NLRP14: variants seen among roughly 807,000 people sequenced by gnomAD.
NLRP14 encodes NLR family pyrin domain containing 14.
NLRP14 carries 105 observed loss-of-function variants against 94.7 expected under a neutral mutation model. The ratio of observed to expected loss-of-function variants is 1.11; its 90% CI spans 0.95 to 1.30. The LOEUF is 1.30. Among genes scored for constraint, NLRP14 ranks in the 50% most tolerant of loss-of-function variants. The pLI is 0.00. For synonymous variants in NLRP14, 508 were observed against 459.9 expected, an observed-to-expected ratio of 1.10 and a Z score of -1.34; for missense variants, 1,362 against 1,254.1, an observed-to-expected ratio of 1.09 and a Z score of -1.30.
At chr11:7,081,629 T>C in the NLRP14 span, among the ~76,000 whole-genome samples, 1 of 152,120 alleles carries the variant, frequency 6.6e-6, no homozygotes, top group African/African-American at 2.4e-5. Context: ...TATACACTTG[T>C]GATTACAGTT....
chr11:7,022,025 A>C (rs1480862342), intron 1 of NLRP14, among the ~76,000 whole-genome samples: 1 of 152,120 alleles, frequency 6.6e-6, no homozygotes, highest in African/African-American at 2.4e-5. Flanking sequence ...ATACCTGCTA[A>C]AGGGCAGAGG....
At position 7,070,468 on chromosome 11, in the gene NLRP14, T is replaced by C; in HGVS notation, c.3146+12T>C. On this transcript the variant is annotated intron_variant, in intron 11 of 11. Coordinates refer to ENST00000299481, the MANE Select transcript of NLRP14 (RefSeq NM_176822.4). ...CTACAAGTTCTAGGGTAAGTCTCCA[T>C]TGGCTTCTCAGGGGGAGCATTTCCT... 9 of 1,603,102 alleles carry C rather than the reference T, an allele frequency of 5.6e-6. No individual in the cohort carries two copies. Among genetic ancestry groups the C allele is most frequent in the Non-Finnish European group, 6.8e-6 (8 of 1,170,802 alleles).
intron 1 of NLRP14, among the ~76,000 whole-genome samples, chr11:7,033,169 C>A (rs1852120238): frequency 6.6e-6 from 1 of 152,166 alleles, no homozygotes; most frequent in African/African-American, 2.4e-5. Context: ...TAGATGAACT[C>A]TTGGATCTTT....
Position 7,038,604 on chromosome 11 carries a change from A to C in NLRP14, c.18A>C (p.Ser6=). 1 of 1,613,918 alleles carries C rather than the reference A, an allele frequency of 6.2e-7. No individual in the cohort carries two copies. Among genetic ancestry groups the C allele is most frequent in the Non-Finnish European group, 8.5e-7 (1 of 1,179,990 alleles). Residue 6 remains serine (S), a synonymous_variant, in exon 2 of 12, where the codon TCA becomes TCC. Coordinates refer to ENST00000299481, the MANE Select transcript of NLRP14 (RefSeq NM_176822.4). ...TGGACAAGATGGCAGATTCATCATCATCTTCTTTCTTTCCTGATTTTGGGC... is the reference window on the plus strand; with the variant it reads ...TGGACAAGATGGCAGATTCATCATCCTCTTCTTTCTTTCCTGATTTTGGGC... The part of the protein sequence containing the change: MADSS[S]SSFFPDFGLL...
At position 7,043,310 on chromosome 11, in the gene NLRP14, C is replaced by T; in HGVS notation, c.1284C>T (p.Cys428=). The change falls in exon 4 of 12, where the codon TGC becomes TGT. Residue 428 remains cysteine (C), a synonymous_variant. Transcript: ENST00000299481. The part of the protein sequence containing the change: ...LPNQAQLRRL[C]QVAAKGIWTM... ...ACCAAGCCCAGCTGAGAAGACTGTG[C>T]CAAGTCGCTGCCAAAGGAATATGGA... 1.2e-6 allele frequency: 2 copies of T among 1,614,168 alleles called. No individual in the cohort carries two copies. Among genetic ancestry groups the T allele is most frequent in the East Asian group, 4.5e-5 (2 of 44,886 alleles).
intron 1 of NLRP14, among the ~76,000 whole-genome samples, chr11:7,025,761 G>A (rs1389551290): frequency 6.6e-6 from 1 of 151,902 alleles, no homozygotes; most frequent in Non-Finnish European, 1.5e-5. Flanking sequence ...TTGATAACAG[G>A]TACAATTTAT....
chr11:7,084,053 T>C, the NLRP14 span, among the ~76,000 whole-genome samples: 1 of 152,166 alleles, frequency 6.6e-6, no homozygotes, highest in African/African-American at 2.4e-5. Flanking sequence ...AACTGGTTTG[T>C]TTTTTATGTT....
Position 7,060,084 on chromosome 11 carries a change from A to G in NLRP14, c.2804+20A>G, listed in dbSNP as rs779801405. 1.2e-6 allele frequency: 2 copies of G among 1,607,674 alleles called. No individual in the cohort carries two copies. On this transcript the variant is annotated intron_variant, in intron 9 of 11. Coordinates refer to ENST00000299481, the MANE Select transcript of NLRP14 (RefSeq NM_176822.4). ...CTTGGAGTAGGTTTTCTGTTGCTTT[A>G]CTTTTGTGTAGTTTCAACAACAGAG...
the NLRP14 span, among the ~76,000 whole-genome samples, chr11:7,079,062 T>C: frequency 1.3e-5 from 2 of 152,324 alleles, no homozygotes; most frequent in East Asian, 1.9e-4. Flanking sequence ...CCTGAGGAGA[T>C]AGGGATTTGC....
intron 3 of NLRP14, 103 bp from the exon 4 acceptor site, chr11:7,042,285 G>C (rs1852264121): frequency 1.1e-6 from 1 of 902,084 alleles, no homozygotes; most frequent in African/African-American, 1.6e-5. Context: ...GTTCTTTCTT[G>C]TTCCTAATTC....
At chr11:7,083,664 G>A in the NLRP14 span, among the ~76,000 whole-genome samples, 54 of 152,306 alleles carry the variant, frequency 3.5e-4, no homozygotes, top group East Asian at 9.3e-3. Context: ...AGAGGTGCAA[G>A]AGGAATATGT....
At chr11:7,038,401 A>G (rs1279873350) in intron 1 of NLRP14, among the ~76,000 whole-genome samples, 165 bp from the exon 2 acceptor site, 2 of 152,244 alleles carry the variant, frequency 1.3e-5, no homozygotes, top group Admixed American at 6.5e-5. Context: ...GCTTTGTGAA[A>G]GAAGATATAT....
At chr11:7,022,775 A>G (rs1247724904) in intron 1 of NLRP14, among the ~76,000 whole-genome samples, 2 of 152,230 alleles carry the variant, frequency 1.3e-5, no homozygotes, top group Non-Finnish European at 2.9e-5. Context: ...GAACAGAAGC[A>G]AACTGGCAAT....
At chr11:7,064,865 G>A (rs568735065) in intron 10 of NLRP14, among the ~76,000 whole-genome samples, 129 of 151,296 alleles carry the variant, frequency 8.5e-4, no homozygotes, top group Non-Finnish European at 1.5e-3. Flanking sequence ...TATCCCCTCT[G>A]CTTGGTAGGG....
At chr11:7,062,569 T>C in intron 10 of NLRP14, 66 bp downstream of exon 10, 2 of 1,391,656 alleles carry the variant, frequency 1.4e-6, no homozygotes, top group South Asian at 1.2e-5. Context: ...TAGAAGATAT[T>C]TAGTGTATGG....
chr11:7,082,848 T>G, the NLRP14 span, among the ~76,000 whole-genome samples: 2 of 152,198 alleles, frequency 1.3e-5, no homozygotes, highest in Admixed American at 1.3e-4. Context: ...TTTTTACCAT[T>G]AGACATTATA....
chr11:7,089,791 A>G, the NLRP14 span: 2 of 1,599,802 alleles, frequency 1.3e-6, no homozygotes, highest in Non-Finnish European at 1.7e-6. Context: ...TCGAGCCGAG[A>G]CTACCGCGAA....
At chr11:7,047,749 T>C (rs1470313394) in intron 5 of NLRP14, among the ~76,000 whole-genome samples, 1 of 145,058 alleles carries the variant, frequency 6.9e-6, no homozygotes, top group Non-Finnish European at 1.5e-5. Context: ...ATTTATCTTC[T>C]TTCTCTTTCT....
chr11:7,057,713 A>G lies in NLRP14; in HGVS notation c.2328A>G (p.Leu776=). Residue 776 remains leucine (L), a synonymous_variant, in exon 7 of 12, where the codon CTA becomes CTG. Coordinates refer to ENST00000299481, the MANE Select transcript of NLRP14 (RefSeq NM_176822.4). The part of the protein sequence containing the change: ...ESCNLTVFCC[L]NISNALIRSQ... ...GCAACCTAACTGTATTTTGTTGTCTAAATATATCTAATGCTCTCATCAGAA... is the reference window on the plus strand; with the variant it reads ...GCAACCTAACTGTATTTTGTTGTCTGAATATATCTAATGCTCTCATCAGAA... 6.2e-7 allele frequency: 1 copy of G among 1,612,692 alleles called. No individual in the cohort carries two copies. The highest frequency in any genetic ancestry group is 1.1e-5 in the South Asian group (1 of 91,064).
Sources: gnomAD v4.1 joint callset for allele counts (sites outside exome capture counted in the v4.1 genomes callset) on GRCh38, gnomAD v4.1.1 for gene constraint, MANE v1.5 for transcripts, NCBI Gene and HGNC (gene_info 2026-07-23, HGNC 2026-07-21) for gene names.